ANO3: variants seen among roughly 807,000 people sequenced by gnomAD.
The protein encoded by ANO3 is anoctamin 3, also known as anoctamin-3.
Under a neutral mutation model 144.8 loss-of-function variants are expected in ANO3, and 99 were observed. The ratio of observed to expected loss-of-function variants is 0.68; its 90% confidence interval spans 0.58 to 0.81. The LOEUF is 0.81. Ranked by LOEUF, ANO3 falls within the 30% of genes least tolerant of loss-of-function variation. The pLI, the probability that ANO3 is intolerant of heterozygous loss-of-function variation, is 0.00. For missense variants in ANO3, 905 were observed against 1,202.2 expected (o/e 0.75, Z 3.66); for synonymous variants, 414 against 392.6 (o/e 1.05, Z -0.64).
intron 1 of ANO3, among the ~76,000 whole-genome samples, chr11:26,242,016 A>G (rs1852673762): frequency 6.6e-6 from 1 of 152,220 alleles, no homozygotes; most frequent in African/African-American, 2.4e-5. Flanking sequence ...ATTTGAAGTG[A>G]GTTTCAACAG....
chr11:26,472,707 G>A (rs1392396654), intron 4 of ANO3, among the ~76,000 whole-genome samples: 1 of 151,856 alleles, frequency 6.6e-6, no homozygotes, highest in Non-Finnish European at 1.5e-5. Context: ...TGAGGCTCCT[G>A]TGCTTAGTTA....
At chr11:26,233,216 CAA>C (rs56234101) in intron 1 of ANO3, among the ~76,000 whole-genome samples, 4 of 118,492 alleles carry the variant, frequency 3.4e-5, no homozygotes, top group African/African-American at 6.8e-5. Context: ...GACTCCGTCT[CAA>C]AAAAAAAAAA....
intron 1 of ANO3, among the ~76,000 whole-genome samples, chr11:26,209,094 C>G (rs948569967): frequency 6.6e-6 from 1 of 152,186 alleles, no homozygotes; most frequent in African/African-American, 2.4e-5. Flanking sequence ...TTGCTGCACT[C>G]ATCAACCCAT....
intron 1 of ANO3, among the ~76,000 whole-genome samples, chr11:26,303,199 G>A (rs59964428): frequency 0.083 from 12,630 of 152,172 alleles, 1,734 homozygotes; most frequent in African/African-American, 0.29. Flanking sequence ...TGGGCATATA[G>A]CCAAAGGAAA....
chr11:26,190,722 T>C (rs963946843), intron 1 of ANO3, among the ~76,000 whole-genome samples: 1 of 152,174 alleles, frequency 6.6e-6, no homozygotes, highest in East Asian at 1.9e-4. Context: ...TCCATTAGAT[T>C]CAACTATTGT....
chr11:26,382,224 T>C (rs1339417994), intron 1 of ANO3, among the ~76,000 whole-genome samples: 2 of 152,074 alleles, frequency 1.3e-5, no homozygotes, highest in Non-Finnish European at 2.9e-5. Context: ...TTTTCCAAAT[T>C]AGAAGTTCCA....
intron 1 of ANO3, among the ~76,000 whole-genome samples, chr11:26,341,563 G>C (rs1250802401): frequency 6.6e-6 from 1 of 152,144 alleles, no homozygotes; most frequent in Non-Finnish European, 1.5e-5. Flanking sequence ...TCATTTCGCA[G>C]ATGTATTAGG....
At chr11:26,538,210 C>T (rs1483812051) in intron 10 of ANO3, among the ~76,000 whole-genome samples, 1 of 152,134 alleles carries the variant, frequency 6.6e-6, no homozygotes, top group Non-Finnish European at 1.5e-5. Context: ...CTCATTTAAT[C>T]CTTGCAACAA....
At chr11:26,268,537 A>G (rs746419866) in intron 1 of ANO3, among the ~76,000 whole-genome samples, 12 of 152,082 alleles carry the variant, frequency 7.9e-5, no homozygotes, top group Admixed American at 7.2e-4. Context: ...GAAAAAAAAC[A>G]AAAGTATCTT....
At chr11:26,551,956 A>G (rs542681126) in intron 12 of ANO3, among the ~76,000 whole-genome samples, 2 of 152,122 alleles carry the variant, frequency 1.3e-5, no homozygotes, top group African/African-American at 4.8e-5. Flanking sequence ...TTATTACTTG[A>G]TAGAAAAGTT....
chr11:26,539,324 C>G (rs749432941), intron 10 of ANO3, among the ~76,000 whole-genome samples: 33 of 152,102 alleles, frequency 2.2e-4, no homozygotes, highest in Non-Finnish European at 4.4e-4. Context: ...CATGAAAGTA[C>G]ATGAGTGAGC....
At chr11:26,283,385 C>G (rs1422333439) in intron 1 of ANO3, among the ~76,000 whole-genome samples, 1 of 106,794 alleles carries the variant, frequency 9.4e-6, no homozygotes, top group Non-Finnish European at 2.0e-5. Context: ...TTTTTCTGTT[C>G]TTAGAAGGTC....
At chr11:26,424,542 C>A (rs1857863016) in intron 1 of ANO3, among the ~76,000 whole-genome samples, 1 of 152,034 alleles carries the variant, frequency 6.6e-6, no homozygotes, top group East Asian at 1.9e-4. Context: ...TATCAGCTAA[C>A]ACCATTTTCT....
At chr11:26,633,661 T>C (rs79290983) in intron 18 of ANO3, among the ~76,000 whole-genome samples, 1 of 152,344 alleles carries the variant, frequency 6.6e-6, no homozygotes, top group African/African-American at 2.4e-5. Flanking sequence ...ATTTTGTAGA[T>C]GTGGGGAAAG....
upstream of ANO3, among the ~76,000 whole-genome samples, chr11:26,305,563 C>T (rs996822231): frequency 1.3e-5 from 2 of 151,922 alleles, no homozygotes; most frequent in East Asian, 3.9e-4. Flanking sequence ...TGATATTCAA[C>T]AAGTAGTCTG....
chr11:26,441,893 A>G, intron 1 of ANO3, 25 bp from the exon 2 acceptor site: 2 of 1,584,752 alleles, frequency 1.3e-6, no homozygotes, highest in African/African-American at 1.4e-5. Flanking sequence ...TTTTATTGCT[A>G]AAACTCAACA....
At chr11:26,197,178 C>T (rs1014292921) in intron 1 of ANO3, among the ~76,000 whole-genome samples, 9 of 152,072 alleles carry the variant, frequency 5.9e-5, no homozygotes, top group African/African-American at 2.2e-4. Context: ...TCTTCATACT[C>T]TCATCTCACC....
chr11:26,300,368 CCT>C (rs138657629), intron 1 of ANO3, among the ~76,000 whole-genome samples: 10 of 149,988 alleles, frequency 6.7e-5, no homozygotes, highest in Non-Finnish European at 1.0e-4. Flanking sequence ...ATTTGCTCTC[CCT>C]CTCTCTCTCT....
At chr11:26,611,169 T>G (rs1174363661) in intron 17 of ANO3, among the ~76,000 whole-genome samples, 1 of 152,010 alleles carries the variant, frequency 6.6e-6, no homozygotes, top group Non-Finnish European at 1.5e-5. Flanking sequence ...CAATTTGGGG[T>G]TTCGTTTGTC....
Sources: gnomAD v4.1 joint callset for allele counts (sites outside exome capture counted in the v4.1 genomes callset) on GRCh38, gnomAD v4.1.1 for gene constraint, MANE v1.5 for transcripts, NCBI Gene and HGNC (gene_info 2026-07-23, HGNC 2026-07-21) for gene names.